Variants in CD6 observed in about 807,000 individuals in gnomAD.
CD6 encodes CD6 molecule.
A neutral mutation model predicts 75.3 loss-of-function variants in CD6; 53 were observed. The observed-to-expected ratio is 0.70, with a 90% CI of 0.56 to 0.88. CD6 has a LOEUF of 0.88. CD6 is among the 40% of genes least tolerant of loss of function. The pLI is 0.00. For synonymous variants in CD6, 359 were observed against 381.5 expected (o/e 0.94, Z 0.69); for missense variants, 770 against 897.1 (o/e 0.86, Z 1.81).
chr11:60,986,104 C>T (rs1037717626), intron 1 of CD6, among the ~76,000 whole-genome samples: 1 of 152,170 alleles, frequency 6.6e-6, no homozygotes, highest in Non-Finnish European at 1.5e-5. Flanking sequence ...ATTCTACTCA[C>T]CCTCGGTATC....
chr11:61,006,605 C>T lies in CD6; in HGVS notation c.81C>T (p.Leu27=). 6.2e-7 allele frequency: 1 copy of T among 1,610,858 alleles called. No individual in the cohort carries two copies. The highest frequency in any genetic ancestry group is 8.5e-7 in the Non-Finnish European group (1 of 1,178,678). Residue 27 remains leucine (L), a synonymous_variant, in exon 2 of 13, where the codon CTC becomes CTT. Coordinates refer to ENST00000313421, the MANE Select transcript of CD6 (RefSeq NM_006725.5). ...CATCTCCAGCCCCACCTGACCAGCT[C>T]AACACCAGCAGTGCAGAGAGTGAGC... ...GHPSPAPPDQ[L]NTSSAESELW...
intron 6 of CD6, among the ~76,000 whole-genome samples, 170 bp downstream of exon 6, chr11:61,011,305 G>C (rs1445383040): frequency 6.6e-6 from 1 of 151,920 alleles, no homozygotes; most frequent in African/African-American, 2.4e-5. Flanking sequence ...TGGCATTTCT[G>C]CTCCTTCTAC....
intron 8 of CD6, chr11:61,015,410 A>G (rs921700290): frequency 1.2e-5 from 3 of 253,934 alleles, no homozygotes; most frequent in South Asian, 1.4e-4. Context: ...GTCTCTACAA[A>G]AAATTCAAAA....
At chr11:61,009,902 A>G in intron 5 of CD6, 28 bp downstream of exon 5, 1 of 1,519,656 alleles carries the variant, frequency 6.6e-7, no homozygotes, top group Non-Finnish European at 8.8e-7. Context: ...ACCCCCCCAG[A>G]TTTGAGCCAG....
intron 6 of CD6, 149 bp downstream of exon 6, chr11:61,011,284 G>A (rs539122937): frequency 1.3e-4 from 85 of 666,946 alleles, no homozygotes; most frequent in African/African-American, 1.2e-3. Flanking sequence ...GCCTCCCCGG[G>A]GCTCTCTGGG....
At position 61,006,619 on chromosome 11, in the gene CD6, CAGAG is replaced by C; in HGVS notation, c.98_101del (p.Glu33ValfsTer14). The C allele has an allele frequency of 6.2e-7, 1 of 1,610,716 alleles. No individual in the cohort carries two copies. The highest frequency in any genetic ancestry group is 8.5e-7 in the Non-Finnish European group (1 of 1,178,636). On this transcript the variant is annotated frameshift_variant, in exon 2 of 13. Coordinates refer to ENST00000313421, the MANE Select transcript of CD6 (RefSeq NM_006725.5). LOFTEE classifies it high-confidence loss of function. Reference sequence around the variant, plus strand: ...CCTGACCAGCTCAACACCAGCAGTGCAGAGAGTGAGCTCTGGGAGCCAGGTGAGC... The same window carrying C: ...CCTGACCAGCTCAACACCAGCAGTGCAGTGAGCTCTGGGAGCCAGGTGAGC...
At chr11:61,004,537 G>A (rs1858755684) in intron 1 of CD6, 1 of 152,256 alleles carries the variant, frequency 6.6e-6, no homozygotes, top group African/African-American at 2.4e-5. Flanking sequence ...ATGATGAAGA[G>A]GCCCACACGG....
At position 61,016,013 on chromosome 11, in the gene CD6, G is replaced by T. The variant is rs150826036; in HGVS notation, c.1510+178G>T. Among the ~76,000 whole-genome samples, 344 of 152,336 alleles carry T rather than the reference G, an allele frequency of 2.3e-3. 3 individuals carry two copies. The highest frequency in any genetic ancestry group is 8.2e-3 in the African/African-American group (340 of 41,582). On this transcript the variant is annotated intron_variant, in intron 9 of 12. Coordinates refer to ENST00000313421, the MANE Select transcript of CD6 (RefSeq NM_006725.5). Reference sequence around the variant, plus strand: ...TACACTGACGTTTGCACCGTGCTTTGTGACCCTGGGGTCATCTCGATGTCT... The same window carrying T: ...TACACTGACGTTTGCACCGTGCTTTTTGACCCTGGGGTCATCTCGATGTCT...
chr11:60,982,350 A>G (rs1276761205), intron 1 of CD6, among the ~76,000 whole-genome samples: 1 of 152,236 alleles, frequency 6.6e-6, no homozygotes, highest in Admixed American at 6.5e-5. Context: ...ACAGAAGGAC[A>G]GACTGAAGCC....
chr11:61,014,252 A>C (rs1163087400), intron 8 of CD6, among the ~76,000 whole-genome samples: 1 of 152,200 alleles, frequency 6.6e-6, no homozygotes, highest in African/African-American at 2.4e-5. Flanking sequence ...TTCTGGACAA[A>C]TACAGGCAAA....
Position 61,009,600 on chromosome 11 carries a change from C to T in CD6, c.810C>T (p.Gly270=), listed in dbSNP as rs768183751. The T allele has an allele frequency of 5.3e-5, 85 of 1,610,296 alleles. No homozygotes were observed. Among genetic ancestry groups the T allele is most frequent in the Non-Finnish European group, 6.7e-5 (79 of 1,178,580 alleles). Residue 270 remains glycine, a synonymous_variant, in exon 5 of 13, where the codon GGC becomes GGT. Coordinates refer to ENST00000313421, the MANE Select transcript of CD6 (RefSeq NM_006725.5). The stretch of plus-strand genomic sequence containing the variant: ...ACCAGTCCTGGCGCCTGACAGGGGG[C>T]GCTGACCGCTGCGAGGGGCAGGTGG... ...SEHQSWRLTG[G]ADRCEGQVEV...
intron 9 of CD6, 116 bp downstream of exon 9, chr11:61,015,951 C>A (rs1160336442): frequency 3.1e-6 from 4 of 1,290,806 alleles, no homozygotes; most frequent in Non-Finnish European, 4.3e-6. Flanking sequence ...CAGACAGAAT[C>A]CCCCTGGTTA....
intron 3 of CD6, among the ~76,000 whole-genome samples, chr11:61,008,149 C>T (rs1375647818): frequency 1.3e-5 from 2 of 152,174 alleles, no homozygotes; most frequent in African/African-American, 2.4e-5. Context: ...CCTAGTCCCA[C>T]CCCTGGGTTC....
intron 3 of CD6, among the ~76,000 whole-genome samples, chr11:61,008,155 G>T (rs12418337): frequency 0.13 from 20,329 of 152,066 alleles, 1,732 homozygotes; most frequent in Non-Finnish European, 0.19. Context: ...CCCACCCCTG[G>T]GTTCCCAAAG....
At chr11:61,013,887 G>A (rs1590724768) in intron 7 of CD6, 32 bp from the exon 8 acceptor site, 1 of 1,507,304 alleles carries the variant, frequency 6.6e-7, no homozygotes, top group Non-Finnish European at 9.1e-7. Flanking sequence ...GCAAAAAAAT[G>A]ACTTGTAGAA....
At chr11:61,008,161 CA>C (rs1858962302) in intron 3 of CD6, among the ~76,000 whole-genome samples, 1 of 152,154 alleles carries the variant, frequency 6.6e-6, no homozygotes, top group Non-Finnish European at 1.5e-5. Flanking sequence ...CCTGGGTTCC[CA>C]AAGCTAACCC....
At chr11:60,991,145 C>CTTTTTTT (rs1319427330) in intron 1 of CD6, among the ~76,000 whole-genome samples, 1 of 85,784 alleles carries the variant, frequency 1.2e-5, no homozygotes, top group African/African-American at 5.0e-5. Context: ...TTTTCTTTTT[C>CTTTTTTT]TTTCTTTTTT....
chr11:61,017,434 T>A, intron 9 of CD6, 45 bp from the exon 10 acceptor site: 2 of 1,446,356 alleles, frequency 1.4e-6, no homozygotes, highest in East Asian at 2.5e-5. Flanking sequence ...TCCTAAATGA[T>A]GAGGTTGAGC....
chr11:60,989,880 G>T (rs950157615), intron 1 of CD6, among the ~76,000 whole-genome samples: 1 of 152,180 alleles, frequency 6.6e-6, no homozygotes, highest in Non-Finnish European at 1.5e-5. Context: ...GGAGATTCAA[G>T]AATTTAAAAC....
Sources: gnomAD v4.1 joint callset for allele counts (sites outside exome capture counted in the v4.1 genomes callset) on GRCh38, gnomAD v4.1.1 for gene constraint, MANE v1.5 for transcripts, NCBI Gene and HGNC (gene_info 2026-07-23, HGNC 2026-07-21) for gene names.